PRKG1: variants seen among roughly 807,000 people sequenced by gnomAD.
PRKG1 encodes protein kinase cGMP-dependent 1, also known as cGMP-dependent protein kinase 1.
In PRKG1, 35 loss-of-function variants were observed where a neutral mutation model predicts 88.1. The observed-to-expected ratio is 0.40, with a 90% confidence interval of 0.30 to 0.53. The LOEUF (loss-of-function observed/expected upper bound fraction) is 0.53, where lower values mean the gene tolerates loss of function less well. PRKG1 is among the 20% of genes least tolerant of loss of function. PRKG1 has a pLI of 0.59. For missense variants in PRKG1, 540 were observed against 839.8 expected, an observed-to-expected ratio of 0.64 and a Z score of 4.41; for synonymous variants, 303 against 292.5, an observed-to-expected ratio of 1.04 and a Z score of -0.37.
intron 2 of PRKG1, among the ~76,000 whole-genome samples, chr10:51,453,532 ATATTTTTTT>A (rs1839497992): frequency 1.3e-5 from 2 of 151,984 alleles, no homozygotes; most frequent in African/African-American, 4.8e-5. Flanking sequence ...TTCAGTTCAA[ATATTTTTTT>A]AATTTCCATC....
At chr10:51,777,388 G>T (rs1433227706) in intron 3 of PRKG1, among the ~76,000 whole-genome samples, 1 of 152,054 alleles carries the variant, frequency 6.6e-6, no homozygotes, top group Non-Finnish European at 1.5e-5. Context: ...AAAATAGGAT[G>T]CACATCTTTT....
chr10:51,306,339 G>A (rs1045991300), intron 2 of PRKG1, among the ~76,000 whole-genome samples: 1 of 152,148 alleles, frequency 6.6e-6, no homozygotes, highest in African/African-American at 2.4e-5. Flanking sequence ...ATTCAAGAGT[G>A]AGATTTGGGC....
chr10:51,701,774 T>C (rs1841474282), intron 3 of PRKG1, among the ~76,000 whole-genome samples: 1 of 152,214 alleles, frequency 6.6e-6, no homozygotes, highest in South Asian at 2.1e-4. Flanking sequence ...TATTATAATA[T>C]GTTGCAAAAT....
intron 14 of PRKG1, 68 bp downstream of exon 14, chr10:52,282,384 T>A: frequency 7.1e-7 from 1 of 1,408,186 alleles, no homozygotes; most frequent in Non-Finnish European, 9.5e-7. Flanking sequence ...CCTGCTTTTG[T>A]CACTTGGATT....
intron 5 of PRKG1, among the ~76,000 whole-genome samples, chr10:51,934,806 G>C (rs976227515): frequency 5.3e-5 from 8 of 152,172 alleles, no homozygotes; most frequent in Non-Finnish European, 1.0e-4. Flanking sequence ...AGAGCTCATA[G>C]TCAATTATGT....
At chr10:51,710,759 G>T (rs2132431932) in intron 3 of PRKG1, among the ~76,000 whole-genome samples, 1 of 152,330 alleles carries the variant, frequency 6.6e-6, no homozygotes, top group South Asian at 2.1e-4. Flanking sequence ...CTTCTCAAAA[G>T]TGAAGCATGA....
intron 3 of PRKG1, among the ~76,000 whole-genome samples, chr10:51,595,016 T>C (rs1241164363): frequency 1.3e-5 from 2 of 152,174 alleles, no homozygotes; most frequent in African/African-American, 4.8e-5. Flanking sequence ...CTCCTGGATG[T>C]ATGATAATGG....
chr10:52,059,417 T>G (rs531736076), intron 6 of PRKG1, among the ~76,000 whole-genome samples: 32 of 114,546 alleles, frequency 2.8e-4, no homozygotes, highest in South Asian at 3.5e-4. Flanking sequence ...ATAAACAAAT[T>G]GTGTCATATT....
At chr10:51,884,217 C>T (rs533765761) in intron 4 of PRKG1, among the ~76,000 whole-genome samples, 157 of 150,986 alleles carry the variant, frequency 1.0e-3, no homozygotes, top group African/African-American at 3.4e-3. Flanking sequence ...GAGGCCGAGA[C>T]GGGCAGATCA....
intron 2 of PRKG1, among the ~76,000 whole-genome samples, chr10:51,170,550 A>T (rs1846676858): frequency 6.6e-6 from 1 of 151,808 alleles, no homozygotes. Flanking sequence ...AGGAATTGCT[A>T]TGTTCTGTAA....
intron 5 of PRKG1, among the ~76,000 whole-genome samples, chr10:52,002,169 T>G (rs989139772): frequency 3.3e-5 from 5 of 152,146 alleles, no homozygotes; most frequent in African/African-American, 1.2e-4. Context: ...TCCAATTACT[T>G]GGCAAAAGAC....
intron 8 of PRKG1, among the ~76,000 whole-genome samples, chr10:52,146,050 G>A (rs1336878033): frequency 6.6e-6 from 1 of 152,154 alleles, no homozygotes; most frequent in Non-Finnish European, 1.5e-5. Flanking sequence ...GGCAAGAAGG[G>A]TGTTGTCCTC....
intron 4 of PRKG1, among the ~76,000 whole-genome samples, chr10:51,832,884 A>G (rs1840037584): frequency 6.6e-6 from 1 of 152,140 alleles, no homozygotes; most frequent in South Asian, 2.1e-4. Context: ...CCTCAGAGGA[A>G]TAGGTGAAAA....
At chr10:52,274,515 C>T (rs1219164502) in intron 12 of PRKG1, among the ~76,000 whole-genome samples, 1 of 136,164 alleles carries the variant, frequency 7.3e-6, no homozygotes, top group African/African-American at 2.8e-5. Context: ...ATATACATGC[C>T]ATCATATATA....
intron 5 of PRKG1, among the ~76,000 whole-genome samples, chr10:51,946,744 G>T (rs934853989): frequency 6.6e-6 from 1 of 152,096 alleles, no homozygotes; most frequent in Non-Finnish European, 1.5e-5. Flanking sequence ...CTGTTTGCCT[G>T]AGTACCAGCA....
At chr10:51,633,518 T>G (rs1172232484) in intron 3 of PRKG1, among the ~76,000 whole-genome samples, 1 of 152,098 alleles carries the variant, frequency 6.6e-6, no homozygotes, top group African/African-American at 2.4e-5. Flanking sequence ...ACAACAAAAT[T>G]TTCCCTGGTT....
chr10:52,293,124 AACAG>A (rs1481893588), intron 17 of PRKG1, among the ~76,000 whole-genome samples: 1 of 149,588 alleles, frequency 6.7e-6, no homozygotes, highest in Non-Finnish European at 1.5e-5. Context: ...ATAACAGACA[AACAG>A]AGAGCCAAAT....
At chr10:51,912,884 C>T (rs1283357536) in intron 5 of PRKG1, among the ~76,000 whole-genome samples, 1 of 149,374 alleles carries the variant, frequency 6.7e-6, no homozygotes, top group Non-Finnish European at 1.5e-5. Flanking sequence ...TTTGTTTGTT[C>T]ATTGGCATTA....
At chr10:51,618,358 C>A (rs954681088) in intron 3 of PRKG1, among the ~76,000 whole-genome samples, 1 of 152,062 alleles carries the variant, frequency 6.6e-6, no homozygotes, top group African/African-American at 2.4e-5. Context: ...TGCTTCAGAA[C>A]AAAATGTAAT....
Sources: allele counts gnomAD v4.1 joint callset (sites outside exome capture counted in the v4.1 genomes callset), GRCh38; gene constraint gnomAD v4.1.1; transcripts MANE v1.5; gene names NCBI Gene and HGNC (gene_info 2026-07-23, HGNC 2026-07-21).